The following GABRG3 variants were observed in gnomAD, a reference collection of about 807,000 sequenced individuals.
GABRG3 encodes gamma-aminobutyric acid type A receptor subunit gamma3.
In GABRG3, 25 loss-of-function variants were observed where a neutral mutation model predicts 48.8. That is an observed-to-expected ratio of 0.51 (90% CI 0.37 to 0.72). The LOEUF is 0.72. Among genes scored for constraint, GABRG3 ranks in the 30% least tolerant of loss-of-function variants. GABRG3 has a pLI of 0.00. For missense variants in GABRG3, 394 were observed against 577.9 expected, an observed-to-expected ratio of 0.68 and a Z score of 3.26; for synonymous variants, 227 against 217.6, an observed-to-expected ratio of 1.04 and a Z score of -0.38.
chr15:26,999,313 T>C (rs1432128), intron 2 of GABRG3, among the ~76,000 whole-genome samples: 10,061 of 152,218 alleles, frequency 0.066, 379 homozygotes, highest in East Asian at 0.18. Flanking sequence ...TGTCATTTTA[T>C]ATATGAGACT....
At chr15:27,406,672 G>C (rs1436319644) in intron 5 of GABRG3, among the ~76,000 whole-genome samples, 3 of 152,136 alleles carry the variant, frequency 2.0e-5, no homozygotes. Flanking sequence ...GGAAACTAAG[G>C]AGAGAACACA....
chr15:27,240,187 T>G (rs774926574), intron 3 of GABRG3, among the ~76,000 whole-genome samples: 1 of 152,180 alleles, frequency 6.6e-6, no homozygotes, highest in Non-Finnish European at 1.5e-5. Context: ...TCAATGTTGT[T>G]AAGATCATTC....
Position 27,396,380 on chromosome 15 carries a change from A to T in GABRG3, c.574+67492A>T, listed in dbSNP as rs571036619. Among the ~76,000 whole-genome samples the T allele has an allele frequency of 2.0e-5, 3 of 152,344 alleles. No homozygotes were observed. In the East Asian group the frequency reaches 5.8e-4, roughly 29 times the overall value. On this transcript the variant is annotated intron_variant, in intron 5 of 9. Coordinates refer to ENST00000615808, the MANE Select transcript of GABRG3 (RefSeq NM_033223.5). ...ATACTTTCCCAAAAAAGGTATATAA[A>T]TGTCAGATATGTGTATGAAAATATG... is the stretch of plus-strand genomic sequence containing the variant.
chr15:27,147,673 T>G (rs189177325), intron 3 of GABRG3, among the ~76,000 whole-genome samples: 22 of 152,010 alleles, frequency 1.4e-4, no homozygotes, highest in Non-Finnish European at 2.5e-4. Flanking sequence ...CAGAAAGAAA[T>G]TTGGAGAATT....
At position 27,101,842 on chromosome 15, in the gene GABRG3, TAA is replaced by T. The variant is rs55887752; in HGVS notation, c.270+75044_270+75045del. 8.6e-3 allele frequency among the ~76,000 whole-genome samples: 624 copies of T among 72,490 alleles called. 3 individuals are homozygous for T. Among genetic ancestry groups the T allele is most frequent in the African/African-American group, 0.029 (536 of 18,398 alleles). 47.6% of individuals were successfully genotyped at this position (72,490 alleles called of 152,430 possible). On this transcript the variant is annotated intron_variant, in intron 3 of 9. Transcript: ENST00000615808. ...CTAACAGTAACGATAGCTGATGAGC[TAA>T]AAAAAAAAAAAAAAAAAAAAAATTC...
At chr15:27,275,535 A>G (rs765708822) in intron 3 of GABRG3, among the ~76,000 whole-genome samples, 8 of 152,180 alleles carry the variant, frequency 5.3e-5, no homozygotes. Flanking sequence ...AGGAAAGTTC[A>G]TCCCCCTCTT....
chr15:27,094,541 C>T (rs1897242045), intron 3 of GABRG3, among the ~76,000 whole-genome samples: 1 of 152,094 alleles, frequency 6.6e-6, no homozygotes, highest in African/African-American at 2.4e-5. Flanking sequence ...AGCTTCTGGG[C>T]CTGAGGAGGC....
chr15:27,317,451 C>G (rs897761830), intron 3 of GABRG3, among the ~76,000 whole-genome samples: 42 of 152,320 alleles, frequency 2.8e-4, no homozygotes, highest in African/African-American at 9.9e-4. Context: ...GCCACTGTTT[C>G]TCTTTATCTC....
intron 3 of GABRG3, among the ~76,000 whole-genome samples, chr15:27,195,518 G>C (rs2140425567): frequency 6.6e-6 from 1 of 152,054 alleles, no homozygotes; most frequent in Non-Finnish European, 1.5e-5. Context: ...TTTTAGTAGA[G>C]ACAGGTTTTC....
rs1209835895 is a variant in GABRG3, at chr15:27,327,091, A to T, written c.491+62A>T. ...TAAAATGGGATCCTTAATTTGAATC[A>T]CTGTAGGAATGAGACCCTATTTTCA... On this transcript the variant is annotated intron_variant, in intron 4 of 9. Transcript: ENST00000615808. The T allele has an allele frequency of 5.7e-6, 8 of 1,398,726 alleles. No individual in the cohort carries two copies. The East Asian group carries it at 2.0e-4, about 34-fold the overall frequency. The allele number at this position is 1,398,726 out of a possible 1,614,324, so 86.6% of individuals were successfully genotyped here.
In GABRG3 at chr15:27,352,157, G is replaced by A. The variant is rs1420025989; in HGVS notation, c.574+23269G>A. 6.7e-6 allele frequency among the ~76,000 whole-genome samples: 1 copy of A among 148,714 alleles called. No homozygotes were observed. The highest frequency in any genetic ancestry group is 1.5e-5 in the Non-Finnish European group (1 of 67,532). Reference sequence around the variant, plus strand: ...TGTGTATTGTGTGTTTGTGTATGGTGTGTGTGTTTGTGTATGGTGTGTGTG... The same window carrying A: ...TGTGTATTGTGTGTTTGTGTATGGTATGTGTGTTTGTGTATGGTGTGTGTG... On this transcript the variant is annotated intron_variant, in intron 5 of 9. Transcript: ENST00000615808. The surrounding 1 kb of genome is among the most constrained non-coding windows in gnomAD (Gnocchi z 4.0).
At chr15:27,398,585 A>G (rs184447036) in intron 5 of GABRG3, among the ~76,000 whole-genome samples, 2 of 152,178 alleles carry the variant, frequency 1.3e-5, no homozygotes, top group Admixed American at 6.5e-5. Context: ...CCAATGTGGT[A>G]TAGTGGAAGT....
chr15:27,352,926 A>G lies in GABRG3; in HGVS notation c.574+24038A>G, dbSNP rs988209345. Among the ~76,000 whole-genome samples, 2 of 152,164 alleles carry G rather than the reference A, an allele frequency of 1.3e-5. No homozygotes were observed. Among genetic ancestry groups the G allele is most frequent in the Non-Finnish European group, 2.9e-5 (2 of 68,036 alleles). On this transcript the variant is annotated intron_variant, in intron 5 of 9. Transcript: ENST00000615808. The surrounding 1 kb of genome is among the most constrained non-coding windows in gnomAD (Gnocchi z 4.0). ...TATCTTATCATCACGATTGCTGACAATGAGCCATTGAAAGCGAGTGGATCG... is the reference window on the plus strand; with the variant it reads ...TATCTTATCATCACGATTGCTGACAGTGAGCCATTGAAAGCGAGTGGATCG...
At chr15:27,166,922 A>G (rs2140407908) in intron 3 of GABRG3, among the ~76,000 whole-genome samples, 1 of 152,274 alleles carries the variant, frequency 6.6e-6, no homozygotes, top group East Asian at 1.9e-4. Context: ...TCATGTTGCA[A>G]CAAGACTCTT....
At chr15:27,315,814 T>C (rs1893193991) in intron 3 of GABRG3, among the ~76,000 whole-genome samples, 1 of 152,262 alleles carries the variant, frequency 6.6e-6, no homozygotes, top group African/African-American at 2.4e-5. Context: ...GAAGCCTATA[T>C]GTAGCTTATA....
In GABRG3 at chr15:27,256,773, C is replaced by T. The variant is rs545693869; in HGVS notation, c.271-70036C>T. ...CTATGCACAGGAATGGGTAAAGACC[C>T]CTTAAACAAAAATGGAGTGAGTTAT... is the stretch of plus-strand genomic sequence containing the variant. On this transcript the variant is annotated intron_variant, in intron 3 of 9. Coordinates refer to ENST00000615808, the MANE Select transcript of GABRG3 (RefSeq NM_033223.5). Among the ~76,000 whole-genome samples the T allele has an allele frequency of 2.6e-5, 4 of 152,244 alleles. 1 individual carries two copies. The Middle Eastern group carries it at 0.01, about 388-fold the overall frequency.
intron 5 of GABRG3, among the ~76,000 whole-genome samples, chr15:27,380,741 G>C (rs1299990749): frequency 3.4e-5 from 5 of 146,646 alleles, no homozygotes; most frequent in East Asian, 2.1e-4. Context: ...CAGGGGCTAC[G>C]GGGGGAGAAG....
chr15:27,005,554 C>T (rs1895568250), intron 2 of GABRG3, among the ~76,000 whole-genome samples: 1 of 152,116 alleles, frequency 6.6e-6, no homozygotes, highest in Admixed American at 6.6e-5. Context: ...TCGTTGTGCT[C>T]AAGCCTCTGA....
rs565952434 is a variant in GABRG3 at position 27,180,502 on chromosome 15, C to T, written c.271-146307C>T. On this transcript the variant is annotated intron_variant, in intron 3 of 9. Coordinates refer to ENST00000615808, the MANE Select transcript of GABRG3 (RefSeq NM_033223.5). This position sits in a 1 kb window ranked among gnomAD's most constrained non-coding sequence, Gnocchi z 4.2. ...ATTCATCACGAAGCACCGACTGCTG[C>T]GCTTCCCTCAACAAACCCTGCTCCA... 2.6e-5 allele frequency among the ~76,000 whole-genome samples: 4 copies of T among 152,058 alleles called. No individual in the cohort carries two copies. The highest frequency in any genetic ancestry group is 3.9e-4 in the East Asian group (2 of 5,114).
Sources: gnomAD v4.1 joint callset for allele counts (sites outside exome capture counted in the v4.1 genomes callset) on GRCh38, gnomAD v4.1.1 for gene constraint, Gnocchi (gnomAD v3.1) non-coding constraint, MANE v1.5 for transcripts, NCBI Gene and HGNC (gene_info 2026-07-23, HGNC 2026-07-21) for gene names.